The following CEP128 variants were observed in gnomAD, a reference collection of about 807,000 sequenced individuals.
CEP128 encodes centrosomal protein 128kDa.
CEP128 carries 132 observed loss-of-function variants against 156.7 expected under a neutral mutation model. The ratio of observed to expected loss-of-function variants is 0.84; its 90% CI spans 0.73 to 0.97. CEP128 has a LOEUF of 0.97. Among genes scored for constraint, CEP128 ranks in the 50% least tolerant of loss-of-function variants. The pLI is 0.00. For synonymous variants in CEP128, 469 were observed against 448.9 expected (o/e 1.04, Z -0.57); for missense variants, 1,252 against 1,281.9 (o/e 0.98, Z 0.36).
At chr14:80,521,658 T>A (rs1031617292) in intron 23 of CEP128, among the ~76,000 whole-genome samples, 11 of 152,374 alleles carry the variant, frequency 7.2e-5, no homozygotes, top group Non-Finnish European at 1.6e-4. Flanking sequence ...AAATGTGTCA[T>A]GTAAGCATTA....
chr14:80,548,092 G>GC (rs1890061889), intron 21 of CEP128, among the ~76,000 whole-genome samples: 1 of 151,962 alleles, frequency 6.6e-6, no homozygotes, highest in Non-Finnish European at 1.5e-5. Flanking sequence ...GAGCCACTGC[G>GC]CCCAGCTGGG....
At chr14:80,718,168 C>T (rs2139445505) in intron 19 of CEP128, among the ~76,000 whole-genome samples, 1 of 152,260 alleles carries the variant, frequency 6.6e-6, no homozygotes, top group South Asian at 2.1e-4. Context: ...GTGTGAATGA[C>T]ATGAGGTGTG....
intron 17 of CEP128, among the ~76,000 whole-genome samples, chr14:80,759,608 AT>A (rs1220641197): frequency 6.6e-6 from 1 of 152,172 alleles, no homozygotes; most frequent in Non-Finnish European, 1.5e-5. Flanking sequence ...AATGAAAAAA[AT>A]GTAGACTCTT....
intron 13 of CEP128, among the ~76,000 whole-genome samples, chr14:80,814,833 C>T (rs1884756623): frequency 6.6e-6 from 1 of 152,062 alleles, no homozygotes. Context: ...CTGAGGCAGG[C>T]AAATCACGAG....
intron 19 of CEP128, among the ~76,000 whole-genome samples, chr14:80,695,130 C>A (rs1335363207): frequency 1.3e-5 from 2 of 150,508 alleles, no homozygotes; most frequent in African/African-American, 4.9e-5. Context: ...AAATTTTTTG[C>A]AGGGATTGCA....
chr14:80,890,253 T>C (rs1160457354), intron 8 of CEP128, among the ~76,000 whole-genome samples: 1 of 152,192 alleles, frequency 6.6e-6, no homozygotes, highest in Non-Finnish European at 1.5e-5. Context: ...AAATAACATT[T>C]GACCCAGCAA....
rs184124172 is a variant in CEP128, at chr14:80,820,366, C to T, written c.1209+10777G>A. 4.4e-3 allele frequency among the ~76,000 whole-genome samples: 666 copies of T among 152,256 alleles called. 1 individual carries two copies. The highest frequency in any genetic ancestry group is 7.6e-3 in the Non-Finnish European group (514 of 68,014). On this transcript the variant is annotated intron_variant, in intron 13 of 24. Coordinates refer to ENST00000555265, the MANE Select transcript of CEP128 (RefSeq NM_152446.5). ...ACAAACCTCTGAATGATCATATCTT[C>T]CTCCCTAAAACATTTACTTTTGTCT...
At chr14:80,945,669 T>C (rs1886324197), upstream of CEP128, 1 of 152,174 alleles carries the variant, frequency 6.6e-6, no homozygotes, top group South Asian at 2.1e-4. Flanking sequence ...AGCTCCCAAT[T>C]GGTTGCTAGA....
intron 19 of CEP128, among the ~76,000 whole-genome samples, chr14:80,600,040 T>A (rs1448369657): frequency 6.6e-6 from 1 of 152,174 alleles, no homozygotes; most frequent in Non-Finnish European, 1.5e-5. Context: ...GCACCCCAGA[T>A]TCATTCTTTT....
chr14:80,582,103 C>T (rs911270030), intron 19 of CEP128, among the ~76,000 whole-genome samples: 1 of 152,222 alleles, frequency 6.6e-6, no homozygotes, highest in Admixed American at 6.5e-5. Flanking sequence ...CTTCCCACTT[C>T]TGTCACCCTG....
chr14:80,615,333 T>C (rs1309358053), intron 19 of CEP128, among the ~76,000 whole-genome samples: 1 of 152,216 alleles, frequency 6.6e-6, no homozygotes, highest in Non-Finnish European at 1.5e-5. Flanking sequence ...GATATTAATT[T>C]TGCCAGCAGA....
chr14:80,678,954 T>A (rs1896201693), intron 19 of CEP128, among the ~76,000 whole-genome samples: 1 of 152,240 alleles, frequency 6.6e-6, no homozygotes, highest in African/African-American at 2.4e-5. Flanking sequence ...AATACTTTTA[T>A]AATTTCTTAC....
At position 80,599,332 on chromosome 14, in the gene CEP128, G is replaced by T. The variant is rs56215456; in HGVS notation, c.2807-18909C>A. Among the ~76,000 whole-genome samples, 1,136 of 142,570 alleles carry T rather than the reference G, an allele frequency of 8.0e-3. 23 individuals carry two copies. Among genetic ancestry groups the T allele is most frequent in the African/African-American group, 0.028 (1,076 of 37,938 alleles). 93.5% of individuals were successfully genotyped at this position (142,570 alleles called of 152,430 possible). A position where few individuals can be genotyped will look rare whatever the true frequency, so the allele number is the denominator to read the frequency against. ...CTGTCACCCAGGCTGGAGTGCAGCG[G>T]CTTGATCTCGGCTCACCGCAAGCTC... On this transcript the variant is annotated intron_variant, in intron 19 of 24. Transcript: ENST00000555265.
chr14:80,842,547 T>C (rs1288520985), intron 9 of CEP128, among the ~76,000 whole-genome samples: 1 of 151,946 alleles, frequency 6.6e-6, no homozygotes, highest in African/African-American at 2.4e-5. Flanking sequence ...CAGATAATAC[T>C]CAAAGAGAGA....
At chr14:80,496,173 C>G (rs1336831894), downstream of CEP128, among the ~76,000 whole-genome samples, 1 of 152,126 alleles carries the variant, frequency 6.6e-6, no homozygotes, top group Non-Finnish European at 1.5e-5. Context: ...GTTTTTGTAT[C>G]TCATTTTTTC....
chr14:80,698,418 G>A (rs995620848), intron 19 of CEP128, among the ~76,000 whole-genome samples: 1 of 152,128 alleles, frequency 6.6e-6, no homozygotes, highest in African/African-American at 2.4e-5. Flanking sequence ...AAGAACATGT[G>A]AAATTCTTTA....
chr14:80,547,174 A>C (rs947013601), intron 21 of CEP128, among the ~76,000 whole-genome samples: 15 of 152,188 alleles, frequency 9.9e-5, no homozygotes, highest in African/African-American at 3.1e-4. Flanking sequence ...TTCAACATTC[A>C]AAAGGAGGAA....
At chr14:80,814,940 C>A (rs1303182104) in intron 13 of CEP128, among the ~76,000 whole-genome samples, 1 of 152,172 alleles carries the variant, frequency 6.6e-6, no homozygotes, top group East Asian at 1.9e-4. Flanking sequence ...CACCTGTAAT[C>A]CCTGCTACTC....
intron 8 of CEP128, among the ~76,000 whole-genome samples, chr14:80,876,046 A>G (rs1888265212): frequency 6.6e-6 from 1 of 152,202 alleles, no homozygotes; most frequent in Non-Finnish European, 1.5e-5. Flanking sequence ...TAAAACTGAC[A>G]GAAATGAGCA....
Sources: allele counts gnomAD v4.1 joint callset (sites outside exome capture counted in the v4.1 genomes callset), GRCh38; gene constraint gnomAD v4.1.1; transcripts MANE v1.5; gene names NCBI Gene and HGNC (gene_info 2026-07-23, HGNC 2026-07-21).